ATP11C: variants seen among roughly 807,000 people sequenced by gnomAD.
ATP11C encodes phospholipid-transporting ATPase IG.
A neutral mutation model predicts 97.4 loss-of-function variants in ATP11C; 36 were observed. That is an observed-to-expected ratio of 0.37 (90% confidence interval 0.28 to 0.49). The LOEUF (loss-of-function observed/expected upper bound fraction) is 0.49. ATP11C is among the 20% of genes least tolerant of loss of function. ATP11C has a pLI of 0.98. For synonymous variants in ATP11C, 275 were observed against 290.9 expected, an observed-to-expected ratio of 0.95 and a Z score of 0.56; for missense variants, 730 against 824.6, an observed-to-expected ratio of 0.89 and a Z score of 1.40.
chrX:139,863,214 A>AATCATTCCTG (rs1280992945), intron 1 of ATP11C, among the ~76,000 whole-genome samples: 1 of 112,643 alleles, frequency 8.9e-6, no homozygotes, highest in Non-Finnish European at 1.9e-5. Context: ...ATTTGTTTTT[A>AATCATTCCTG]ATCATTCCTG....
intron 1 of ATP11C, among the ~76,000 whole-genome samples, chrX:139,861,031 T>C (rs1235926322): frequency 1.8e-5 from 2 of 111,561 alleles, no homozygotes; most frequent in East Asian, 5.7e-4. Context: ...AGACTCTACA[T>C]TGTGTGTTGG....
At chrX:139,914,440 A>G (rs2085124750) in intron 1 of ATP11C, among the ~76,000 whole-genome samples, 1 of 112,463 alleles carries the variant, frequency 8.9e-6, no homozygotes, top group South Asian at 3.6e-4. Flanking sequence ...TCATCTTCAC[A>G]TGATCCTAGG....
chrX:139,741,505 G>A (rs2081554951), intron 26 of ATP11C, among the ~76,000 whole-genome samples: 1 of 111,056 alleles, frequency 9.0e-6, no homozygotes, highest in Admixed American at 9.6e-5. Flanking sequence ...AAAGAAGTAG[G>A]AGAGGGAAGG....
At chrX:139,732,397 G>T (rs762594981) in intron 28 of ATP11C, 3 of 331,511 alleles carry the variant, frequency 9.0e-6, no homozygotes, top group African/African-American at 7.9e-5. Flanking sequence ...AGGCAAATGA[G>T]AATGCAAGCA....
chrX:139,931,984 G>A (rs934013909), intron 1 of ATP11C, 32 bp downstream of exon 1: 1 of 1,154,281 alleles, frequency 8.7e-7, no homozygotes, highest in Admixed American at 2.6e-5. Flanking sequence ...CAAGCAAACC[G>A]GCACGCGCGG....
At chrX:139,837,418 G>A (rs1269928748) in intron 1 of ATP11C, among the ~76,000 whole-genome samples, 1 of 111,890 alleles carries the variant, frequency 8.9e-6, no homozygotes, top group African/African-American at 3.2e-5. Flanking sequence ...AAGCAGCTTA[G>A]TTATGACTAG....
At chrX:139,935,430 G>A (rs767031367), upstream of ATP11C, among the ~76,000 whole-genome samples, 1 of 110,944 alleles carries the variant, frequency 9.0e-6, no homozygotes, top group African/African-American at 3.3e-5. Flanking sequence ...TCCAGGTGTG[G>A]TGGCGGATGC....
intron 18 of ATP11C, among the ~76,000 whole-genome samples, chrX:139,779,175 T>C (rs1284380381): frequency 9.0e-6 from 1 of 111,225 alleles, no homozygotes. Context: ...CAAGACAGAT[T>C]ATCGAGGCAG....
At chrX:139,785,075 T>C (rs5908152) in intron 16 of ATP11C, 151 bp downstream of exon 16, 9,194 of 412,963 alleles carry the variant, frequency 0.022, 619 homozygotes, top group African/African-American at 0.2. Flanking sequence ...CTTAAAAAAA[T>C]ACATGAAAGC....
In ATP11C at chrX:139,840,357, G is replaced by C. The variant is rs2083808831; in HGVS notation, c.28-13534C>G. 3.6e-5 allele frequency among the ~76,000 whole-genome samples: 4 copies of C among 112,400 alleles called. No individual in the cohort carries two copies. The South Asian group carries it at 1.5e-3, about 41-fold the overall frequency. ...CATTAAACATAATTTAATGTGACTG[G>C]TTGTTGTGATGCCTTGTTAACTGAT... On this transcript the variant is annotated intron_variant, in intron 1 of 29. Coordinates refer to ENST00000682941, the MANE Select transcript of ATP11C (RefSeq NM_001353812.2).
At chrX:139,828,343 A>G (rs1416753680) in intron 1 of ATP11C, among the ~76,000 whole-genome samples, 4 of 112,195 alleles carry the variant, frequency 3.6e-5, no homozygotes, top group African/African-American at 1.3e-4. Flanking sequence ...TTAGGGGCTT[A>G]CTTCTCTGTT....
chrX:139,807,989 G>A (rs998160680), intron 5 of ATP11C, among the ~76,000 whole-genome samples: 2 of 108,940 alleles, frequency 1.8e-5, no homozygotes, highest in Non-Finnish European at 3.8e-5. Flanking sequence ...TAAATGGTAC[G>A]GTATTTAGTG....
In ATP11C at chrX:139,774,737, G is replaced by A; in HGVS notation, c.2169C>T (p.Arg723=). 8.3e-7 allele frequency: 1 copy of A among 1,209,304 alleles called. No individual in the cohort carries two copies. Among genetic ancestry groups the A allele is most frequent in the Non-Finnish European group, 1.1e-6 (1 of 893,449 alleles). ...DRLHELLIEY[R]KKLLHEFPKS... ...TAGGAAACTCATGCAGCAATTTCTT[G>A]CGATATTCTATCAATAATTCATGTA... Residue 723 remains arginine (R), a synonymous_variant, in exon 19 of 30, where the codon CGC becomes CGT. Transcript: ENST00000682941.
chrX:139,770,570 A>G (rs1212491232), intron 19 of ATP11C, among the ~76,000 whole-genome samples: 1 of 110,786 alleles, frequency 9.0e-6, no homozygotes, highest in African/African-American at 3.3e-5. Context: ...GATTTCATGC[A>G]TGATGTACTA....
At chrX:139,752,631 C>A (rs1034534626) in intron 23 of ATP11C, among the ~76,000 whole-genome samples, 1 of 111,729 alleles carries the variant, frequency 9.0e-6, no homozygotes, top group Non-Finnish European at 1.9e-5. Context: ...AATATTTCCA[C>A]CAGAACAAGC....
intron 19 of ATP11C, among the ~76,000 whole-genome samples, chrX:139,771,867 T>A (rs2148694790): frequency 8.9e-6 from 1 of 112,313 alleles, no homozygotes; most frequent in African/African-American, 3.2e-5. Flanking sequence ...TCAGAAAATT[T>A]GCAGCCTGAT....
At chrX:139,753,089 A>T (rs1431874408) in intron 23 of ATP11C, among the ~76,000 whole-genome samples, 4 of 111,679 alleles carry the variant, frequency 3.6e-5, no homozygotes. Context: ...AAAGATATTC[A>T]GGCCCTGAAT....
At chrX:139,832,621 A>G (rs1219256337) in intron 1 of ATP11C, among the ~76,000 whole-genome samples, 2 of 112,487 alleles carry the variant, frequency 1.8e-5, no homozygotes, top group African/African-American at 6.5e-5. Flanking sequence ...GGGCTAAACA[A>G]TAAGCTTCGG....
intron 22 of ATP11C, among the ~76,000 whole-genome samples, chrX:139,759,481 G>A (rs1250381916): frequency 2.7e-5 from 3 of 111,332 alleles, no homozygotes; most frequent in African/African-American, 6.5e-5. Flanking sequence ...AAGCTGAGAC[G>A]GTGGAGAGTA....
Sources: gnomAD v4.1 joint callset for allele counts (sites outside exome capture counted in the v4.1 genomes callset) on GRCh38, gnomAD v4.1.1 for gene constraint, MANE v1.5 for transcripts, NCBI Gene and HGNC (gene_info 2026-07-23, HGNC 2026-07-21) for gene names.